SCN9A: variants seen among roughly 807,000 people sequenced by gnomAD.
SCN9A encodes sodium voltage-gated channel alpha subunit 9, also known as sodium channel protein type 9 subunit alpha.
In SCN9A, 131 loss-of-function variants were observed where a neutral mutation model predicts 187.0. The observed-to-expected ratio is 0.70, with a 90% CI of 0.61 to 0.81. SCN9A has a LOEUF of 0.81. SCN9A is among the 30% of genes least tolerant of loss of function. SCN9A has a pLI of 0.00. For missense variants in SCN9A, 2,252 were observed against 2,396.6 expected (o/e 0.94, Z 1.26); for synonymous variants, 809 against 808.6 (o/e 1.00, Z -0.01).
intron 21 of SCN9A, among the ~76,000 whole-genome samples, chr2:166,231,548 CTTTTTTTTTT>C (rs57067738): frequency 1.0e-5 from 1 of 99,066 alleles, no homozygotes; most frequent in Non-Finnish European, 1.8e-5. Flanking sequence ...CAAGAATTTG[CTTTTTTTTTT>C]TTTTTTTTTT....
chr2:166,366,875 T>C (rs1205257795), intron 1 of SCN9A, among the ~76,000 whole-genome samples: 1 of 152,318 alleles, frequency 6.6e-6, no homozygotes, highest in East Asian at 1.9e-4. Context: ...AAAAATTGCA[T>C]GCAAAAATTA....
intron 7 of SCN9A, chr2:166,301,721 C>G (rs1245881052): frequency 6.6e-6 from 1 of 150,628 alleles, no homozygotes; most frequent in African/African-American, 2.5e-5. Context: ...ATGTAAGTTA[C>G]TCATCAGATA....
chr2:166,341,160 T>C (rs1315715147), intron 1 of SCN9A, among the ~76,000 whole-genome samples: 1 of 152,178 alleles, frequency 6.6e-6, no homozygotes, highest in Non-Finnish European at 1.5e-5. Flanking sequence ...TTAACTATCA[T>C]GTATGTAATA....
rs949560691 is a variant in SCN9A at position 166,196,478 on chromosome 2, A to G, written c.*2194T>C. 1 of 152,182 alleles carries G rather than the reference A, an allele frequency of 6.6e-6. No homozygotes were observed. Among genetic ancestry groups the G allele is most frequent in the African/African-American group, 2.4e-5 (1 of 41,464 alleles). 9.4% of individuals were successfully genotyped at this position (152,182 alleles called of 1,614,324 possible). A position where few individuals can be genotyped will look rare whatever the true frequency, so the allele number is the denominator to read the frequency against. ...TGCCCATATTTTTTATTTTACATAA[A>G]AACAAGGCAATGTAAAAACATTAAT... On this transcript the variant is annotated 3_prime_UTR_variant, in exon 27 of 27. Coordinates refer to ENST00000642356, the MANE Select transcript of SCN9A (RefSeq NM_001365536.1).
intron 17 of SCN9A, among the ~76,000 whole-genome samples, chr2:166,257,821 C>G (rs777898231): frequency 4.6e-5 from 7 of 151,302 alleles, no homozygotes; most frequent in Non-Finnish European, 1.0e-4. Context: ...TATTTAGGCT[C>G]TAGTTGAAGA....
At chr2:166,284,042 A>G (rs1277690198) in intron 12 of SCN9A, among the ~76,000 whole-genome samples, 8 of 152,224 alleles carry the variant, frequency 5.3e-5, no homozygotes, top group Non-Finnish European at 1.0e-4. Flanking sequence ...ATAGGTACAT[A>G]TTAAGCTGTG....
intron 1 of SCN9A, among the ~76,000 whole-genome samples, chr2:166,335,537 G>T (rs553682936): frequency 1.3e-5 from 2 of 152,214 alleles, no homozygotes; most frequent in Admixed American, 1.3e-4. Context: ...TGGAAACATG[G>T]TCACTAGAGT....
intron 1 of SCN9A, among the ~76,000 whole-genome samples, chr2:166,322,204 T>C (rs191372613): frequency 7.4e-4 from 113 of 152,306 alleles, no homozygotes; most frequent in Non-Finnish European, 1.4e-3. Flanking sequence ...GTTTCTATAG[T>C]TTCTTCTTAA....
chr2:166,209,631 C>CA (rs1395410672), intron 24 of SCN9A, among the ~76,000 whole-genome samples: 1 of 152,078 alleles, frequency 6.6e-6, no homozygotes, highest in East Asian at 1.9e-4. Flanking sequence ...ACAACCCCAT[C>CA]AAAAACTGGG....
chr2:166,243,282 T>C (rs956509587), intron 18 of SCN9A, among the ~76,000 whole-genome samples: 27 of 152,096 alleles, frequency 1.8e-4, no homozygotes, highest in Non-Finnish European at 4.4e-5. Flanking sequence ...GGTTTATTCA[T>C]TCATTAACGC....
rs1050300851 is a variant in SCN9A, at chr2:166,368,809, G to A, written c.-51+6888C>T. Among the ~76,000 whole-genome samples, 6 of 151,966 alleles carry A rather than the reference G, an allele frequency of 3.9e-5. No homozygotes were observed. The East Asian group carries it at 1.2e-3, about 30-fold the overall frequency. ...TCAAGACCAGCCTGCCCAACCTGGTGAAATCCTATCTCTACTAAAAATACA... is the reference window on the plus strand; with the variant it reads ...TCAAGACCAGCCTGCCCAACCTGGTAAAATCCTATCTCTACTAAAAATACA... On this transcript the variant is annotated intron_variant, in intron 1 of 26. Transcript: ENST00000642356.
In SCN9A at chr2:166,305,892, C is replaced by T. The variant is rs1553496214; in HGVS notation, c.496G>A (p.Glu166Lys). 1.9e-6 allele frequency: 3 copies of T among 1,612,970 alleles called. No homozygotes were observed. The highest frequency in any genetic ancestry group is 2.5e-6 in the Non-Finnish European group (3 of 1,179,394). ...EYTFTGIYTF[E>K]SLVKILARGF... ...CTTGCAAGGATTTTTACAAGTGATTCAAAAGTATATATTCCAGTAAAAGTG... is the reference window on the plus strand; with the variant it reads ...CTTGCAAGGATTTTTACAAGTGATTTAAAAGTATATATTCCAGTAAAAGTG... Residue 166 changes from glutamate to lysine, a missense_variant, in exon 5 of 27, where the codon GAA becomes AAA. By Grantham distance (56) the Glu-to-Lys change is moderately conservative (BLOSUM62 1). Transcript: ENST00000642356.
Position 166,333,389 on chromosome 2 carries a change from A to G in SCN9A, c.-50-21583T>C, listed in dbSNP as rs75230883. Among the ~76,000 whole-genome samples the G allele has an allele frequency of 5.9e-5, 9 of 152,232 alleles. No homozygotes were observed. In the East Asian group the frequency reaches 1.7e-3, roughly 29 times the overall value. On this transcript the variant is annotated intron_variant, in intron 1 of 26. Transcript: ENST00000642356. ...GCAGAGTTGACTTATAAAATTCCTTATAGTTAAAGCCTATGTTCCCCCTAC... is the reference window on the plus strand; with the variant it reads ...GCAGAGTTGACTTATAAAATTCCTTGTAGTTAAAGCCTATGTTCCCCCTAC...
Position 166,199,692 on chromosome 2 carries a change from G to A in SCN9A, c.4947C>T (p.Leu1649=), listed in dbSNP as rs1206447396. The A allele has an allele frequency of 1.1e-5, 18 of 1,614,000 alleles. No homozygotes were observed. The highest frequency in any genetic ancestry group is 1.4e-5 in the Non-Finnish European group (16 of 1,180,032). Residue 1649 remains leucine (L), a synonymous_variant, in exon 27 of 27, where the codon CTC becomes CTT. Transcript: ENST00000642356. ...MSLPALFNIG[L]LLFLVMFIYA... ...AGATGAACATGACCAGGAAGAGCAGGAGGCCGATGTTAAACAACGCAGGAA... is the reference window on the plus strand; with the variant it reads ...AGATGAACATGACCAGGAAGAGCAGAAGGCCGATGTTAAACAACGCAGGAA...
rs1698971394 is a variant in SCN9A at position 166,311,770 on chromosome 2, A to G, written c.-14T>C. On this transcript the variant is annotated 5_prime_UTR_variant, in exon 2 of 27. Coordinates refer to ENST00000642356, the MANE Select transcript of SCN9A (RefSeq NM_001365536.1). ...CAACATTGCCATCTTTTCATCCTGT[A>G]TATTTTAATTCCTCTTCAGCTCCTC... 1.3e-6 allele frequency: 2 copies of G among 1,574,372 alleles called. No homozygotes were observed. Among genetic ancestry groups the G allele is most frequent in the Non-Finnish European group, 8.6e-7 (1 of 1,156,780 alleles).
chr2:166,289,241 G>C (rs1015352183), intron 9 of SCN9A, among the ~76,000 whole-genome samples: 2 of 151,256 alleles, frequency 1.3e-5, no homozygotes, highest in African/African-American at 4.9e-5. Context: ...TAACGTGCAG[G>C]TTTGTTACAT....
intron 26 of SCN9A, among the ~76,000 whole-genome samples, chr2:166,202,825 C>T (rs1471465454): frequency 6.6e-6 from 1 of 151,382 alleles, no homozygotes; most frequent in East Asian, 1.9e-4. Flanking sequence ...ACCTTTTGAA[C>T]TCTAATTGAA....
At chr2:166,311,227 C>T (rs1356077203) in intron 2 of SCN9A, among the ~76,000 whole-genome samples, 8 of 133,452 alleles carry the variant, frequency 6.0e-5, no homozygotes, top group Non-Finnish European at 1.1e-4. Flanking sequence ...TGCACATGTA[C>T]CCTAAAACTT....
At chr2:166,281,897 GTAAT>G in intron 12 of SCN9A, 89 bp from the exon 13 acceptor site, 1 of 1,172,294 alleles carries the variant, frequency 8.5e-7, no homozygotes, top group Non-Finnish European at 1.2e-6. Context: ...GCTGTAGTGA[GTAAT>G]TAAAAGTAGA....
Sources: gnomAD v4.1 joint callset for allele counts (sites outside exome capture counted in the v4.1 genomes callset) on GRCh38, gnomAD v4.1.1 for gene constraint, MANE v1.5 for transcripts, NCBI Gene and HGNC (gene_info 2026-07-23, HGNC 2026-07-21) for gene names.